Variants in SRGAP3 observed in about 807,000 individuals in gnomAD.
SRGAP3 encodes SLIT-ROBO Rho GTPase activating protein 3, also known as SLIT-ROBO Rho GTPase-activating protein 3.
In SRGAP3, 39 loss-of-function variants were observed where a neutral mutation model predicts 121.1. The observed-to-expected ratio is 0.32, with a 90% confidence interval of 0.25 to 0.42. The LOEUF (loss-of-function observed/expected upper bound fraction) is 0.42, where lower values mean the gene tolerates loss of function less well. SRGAP3 is among the 10% of genes least tolerant of loss of function. The pLI is 1.00. For synonymous variants in SRGAP3, 601 were observed against 570.0 expected, an observed-to-expected ratio of 1.05 and a Z score of -0.77; for missense variants, 1,213 against 1,470.6, an observed-to-expected ratio of 0.82 and a Z score of 2.86.
chr3:9,097,007 T>G (rs1023399983), intron 3 of SRGAP3, among the ~76,000 whole-genome samples: 1 of 134,596 alleles, frequency 7.4e-6, no homozygotes, highest in South Asian at 2.5e-4. Context: ...ATATATATAT[T>G]AGAGACAGGG....
intron 1 of SRGAP3, among the ~76,000 whole-genome samples, chr3:9,226,496 G>T (rs1341861722): frequency 6.6e-6 from 1 of 152,164 alleles, no homozygotes; most frequent in Non-Finnish European, 1.5e-5. Flanking sequence ...CTTCAAGACA[G>T]CTCTAATTGT....
intron 1 of SRGAP3, among the ~76,000 whole-genome samples, chr3:9,135,644 G>A (rs1172582151): frequency 1.3e-5 from 2 of 152,242 alleles, no homozygotes. Context: ...TTTGTAAAAG[G>A]CAAGTAAGTA....
In SRGAP3 at chr3:9,249,101, G is replaced by A; in HGVS notation, c.-150C>T. 6.4e-6 allele frequency: 5 copies of A among 778,524 alleles called. No individual in the cohort carries two copies. Among genetic ancestry groups the A allele is most frequent in the Non-Finnish European group, 1.1e-5 (5 of 457,694 alleles). 48.2% of individuals were successfully genotyped at this position (778,524 alleles called of 1,614,324 possible). ...CTTTCACTTGGCTGCAGAGCAGGGA[G>A]AAAAATCCTTCTCCTTCTGGAAGGA... On this transcript the variant is annotated 5_prime_UTR_variant, in exon 1 of 22. Coordinates refer to ENST00000383836, the MANE Select transcript of SRGAP3 (RefSeq NM_014850.4).
chr3:8,985,501 C>T lies in SRGAP3; in HGVS notation c.*18G>A, dbSNP rs754144480. ...GGTGAGCCACAGCGGGCCACGGCGG[C>T]GCGGCCCATCCTGCAGGTCACATGG... On this transcript the variant is annotated 3_prime_UTR_variant, in exon 22 of 22. Transcript: ENST00000383836. The surrounding 1 kb of genome is among the most constrained non-coding windows in gnomAD (Gnocchi z 5.1). The T allele has an allele frequency of 7.5e-6, 12 of 1,597,798 alleles. No individual in the cohort carries two copies. In the African/African-American group the frequency reaches 9.4e-5, roughly 12 times the overall value.
intron 3 of SRGAP3, among the ~76,000 whole-genome samples, chr3:9,290,033 C>T (rs1378235219): frequency 1.3e-5 from 2 of 152,128 alleles, no homozygotes; most frequent in Non-Finnish European, 2.9e-5. Context: ...ATCGCTTGAA[C>T]TCAGGAGGCA....
upstream of SRGAP3, among the ~76,000 whole-genome samples, chr3:9,254,594 G>T (rs1035187991): frequency 6.6e-6 from 1 of 152,098 alleles, no homozygotes; most frequent in Non-Finnish European, 1.5e-5. Context: ...AGGAGTTCGA[G>T]ACCAGTCTAG....
intron 4 of SRGAP3, among the ~76,000 whole-genome samples, chr3:9,079,006 C>T (rs943974884): frequency 7.2e-5 from 11 of 152,134 alleles, no homozygotes; most frequent in Non-Finnish European, 1.5e-4. Flanking sequence ...CCCGCAAAGG[C>T]TCTCAGTGCC....
intron 2 of SRGAP3, among the ~76,000 whole-genome samples, chr3:9,106,183 G>C (rs1056913684): frequency 1.3e-5 from 2 of 152,232 alleles, no homozygotes; most frequent in South Asian, 2.1e-4. Context: ...CTGTTATCCA[G>C]GAAGGAAGAG....
upstream of SRGAP3, among the ~76,000 whole-genome samples, chr3:9,253,019 T>A (rs1451689179): frequency 6.6e-6 from 1 of 152,218 alleles, no homozygotes; most frequent in Non-Finnish European, 1.5e-5. Flanking sequence ...TACCAAGTTC[T>A]CCCTGCACAC....
chr3:9,234,649 A>T (rs2125226474), intron 1 of SRGAP3, among the ~76,000 whole-genome samples: 1 of 152,244 alleles, frequency 6.6e-6, no homozygotes, highest in East Asian at 1.9e-4. Context: ...TGGTTGGAAA[A>T]CTTACTGATC....
At chr3:9,206,035 C>G (rs1389533432) in intron 1 of SRGAP3, among the ~76,000 whole-genome samples, 1 of 152,110 alleles carries the variant, frequency 6.6e-6, no homozygotes, top group Non-Finnish European at 1.5e-5. Context: ...TGAAAAAGTT[C>G]TGAGATGAAT....
At chr3:9,136,326 G>T (rs968304840) in intron 1 of SRGAP3, among the ~76,000 whole-genome samples, 8 of 152,008 alleles carry the variant, frequency 5.3e-5, no homozygotes, top group African/African-American at 1.9e-4. Flanking sequence ...CAGCGCCGGG[G>T]CTGGAGGCAG....
chr3:9,361,841 G>A (rs974944047), intron 1 of SRGAP3, among the ~76,000 whole-genome samples: 3 of 152,116 alleles, frequency 2.0e-5, no homozygotes, highest in Non-Finnish European at 4.4e-5. Flanking sequence ...GACAGAGGAC[G>A]TGCAGTGAGG....
chr3:8,997,129 C>A (rs564490490), intron 18 of SRGAP3, among the ~76,000 whole-genome samples: 32 of 152,326 alleles, frequency 2.1e-4, no homozygotes, highest in African/African-American at 7.7e-4. Context: ...CCATTGATTA[C>A]TAAGTCTGTT....
intron 3 of SRGAP3, among the ~76,000 whole-genome samples, chr3:9,280,278 C>T (rs1954653040): frequency 6.6e-6 from 1 of 152,224 alleles, no homozygotes; most frequent in Non-Finnish European, 1.5e-5. Context: ...CACGAATAAA[C>T]ATGATAGCTT....
intron 1 of SRGAP3, chr3:9,219,231 A>T (rs1358542050): frequency 6.6e-6 from 1 of 152,132 alleles, no homozygotes; most frequent in Non-Finnish European, 1.5e-5. Context: ...TTGCAGTTCC[A>T]CTCAAGAAAG....
intron 3 of SRGAP3, among the ~76,000 whole-genome samples, chr3:9,323,760 A>C (rs1342464667): frequency 1.3e-5 from 2 of 151,140 alleles, no homozygotes; most frequent in African/African-American, 4.8e-5. Context: ...TAATGTATCT[A>C]AGTACAAATA....
intron 3 of SRGAP3, among the ~76,000 whole-genome samples, chr3:9,291,156 G>A (rs141586399): frequency 6.6e-6 from 1 of 152,320 alleles, no homozygotes; most frequent in East Asian, 1.9e-4. Flanking sequence ...ACATTGATGT[G>A]TATACATGAT....
intron 3 of SRGAP3, chr3:9,256,877 A>G: frequency 2.5e-6 from 1 of 398,612 alleles, no homozygotes. Context: ...ATGTCCTGCA[A>G]TCTAGCTTAA....
Sources: allele counts gnomAD v4.1 joint callset (sites outside exome capture counted in the v4.1 genomes callset), GRCh38; gene constraint gnomAD v4.1.1; non-coding constraint Gnocchi (gnomAD v3.1); transcripts MANE v1.5; gene names NCBI Gene and HGNC (gene_info 2026-07-23, HGNC 2026-07-21).